Variants in ALK observed in about 807,000 individuals in gnomAD.
ALK encodes the protein ALK receptor tyrosine kinase, also known as ALK tyrosine kinase receptor.
ALK carries 74 observed loss-of-function variants against 163.1 expected under a neutral mutation model. The observed-to-expected ratio is 0.45, with a 90% CI of 0.38 to 0.55. The LOEUF (loss-of-function observed/expected upper bound fraction) is 0.55. Among genes scored for constraint, ALK ranks in the 20% least tolerant of loss-of-function variants. ALK has a pLI of 0.00. For synonymous variants in ALK, 960 were observed against 843.2 expected, an observed-to-expected ratio of 1.14 and a Z score of -2.40; for missense variants, 2,063 against 2,105.3, an observed-to-expected ratio of 0.98 and a Z score of 0.39.
intron 4 of ALK, among the ~76,000 whole-genome samples, chr2:29,394,311 C>T (rs547222592): frequency 3.0e-5 from 4 of 133,156 alleles, no homozygotes; most frequent in Admixed American, 1.6e-4. Flanking sequence ...ACTGATTATC[C>T]AGACCAGAAA....
intron 3 of ALK, among the ~76,000 whole-genome samples, chr2:29,576,487 G>T (rs947439982): frequency 2.6e-5 from 4 of 152,240 alleles, no homozygotes; most frequent in Non-Finnish European, 5.9e-5. Flanking sequence ...CTCAGCAGGT[G>T]CTCTGTTGAC....
At chr2:29,274,751 G>A (rs1008453210) in intron 11 of ALK, among the ~76,000 whole-genome samples, 2 of 152,260 alleles carry the variant, frequency 1.3e-5, no homozygotes, top group Admixed American at 1.3e-4. Flanking sequence ...ATAAGGAGGA[G>A]AAATCTTACA....
intron 4 of ALK, among the ~76,000 whole-genome samples, chr2:29,392,071 T>C (rs1669188561): frequency 2.0e-5 from 3 of 152,242 alleles, no homozygotes; most frequent in Admixed American, 2.0e-4. Context: ...AAATCCAGTG[T>C]GGCTGATGAT....
intron 28 of ALK, among the ~76,000 whole-genome samples, chr2:29,195,006 A>AT (rs1336498315): frequency 1.3e-5 from 2 of 152,246 alleles, no homozygotes; most frequent in African/African-American, 4.8e-5. Context: ...TTAATATTTT[A>AT]TGCAAATTGA....
chr2:29,797,290 C>G, intron 1 of ALK, among the ~76,000 whole-genome samples: 1 of 152,204 alleles, frequency 6.6e-6, no homozygotes, highest in East Asian at 1.9e-4. Context: ...ACTTCCTTGC[C>G]ATTTGCTCAT....
intron 3 of ALK, among the ~76,000 whole-genome samples, chr2:29,534,679 AT>A (rs1248123761): frequency 6.6e-6 from 1 of 152,246 alleles, no homozygotes; most frequent in African/African-American, 2.4e-5. Context: ...GATTACTGCT[AT>A]GCACATGTGC....
At chr2:29,375,267 A>G (rs1459257837) in intron 5 of ALK, among the ~76,000 whole-genome samples, 1 of 152,172 alleles carries the variant, frequency 6.6e-6, no homozygotes, top group Non-Finnish European at 1.5e-5. Flanking sequence ...CATGAGGTCA[A>G]TTTTGAGACA....
chr2:29,698,818 C>G (rs1678648052), intron 2 of ALK, among the ~76,000 whole-genome samples: 1 of 152,210 alleles, frequency 6.6e-6, no homozygotes. Context: ...CTCCTTTTAG[C>G]TGTTAAAGCT....
intron 1 of ALK, among the ~76,000 whole-genome samples, chr2:29,808,601 C>G (rs1351712949): frequency 6.6e-6 from 1 of 152,186 alleles, no homozygotes; most frequent in Non-Finnish European, 1.5e-5. Flanking sequence ...AGCCATTACC[C>G]TCTTCTCACT....
intron 3 of ALK, among the ~76,000 whole-genome samples, chr2:29,614,057 A>G (rs1675771095): frequency 6.6e-6 from 1 of 152,202 alleles, no homozygotes; most frequent in Admixed American, 6.5e-5. Context: ...CACCGGGGGC[A>G]TCAGGACTCA....
chr2:29,454,574 G>C (rs1421258682), intron 4 of ALK, among the ~76,000 whole-genome samples: 1 of 152,162 alleles, frequency 6.6e-6, no homozygotes, highest in Non-Finnish European at 1.5e-5. Flanking sequence ...AAGGAGACAA[G>C]AAGGGCTCAA....
At chr2:29,703,198 A>G (rs1678797636) in intron 2 of ALK, among the ~76,000 whole-genome samples, 1 of 152,226 alleles carries the variant, frequency 6.6e-6, no homozygotes, top group South Asian at 2.1e-4. Flanking sequence ...TTTTCCTGCT[A>G]AAAATGCTTT....
chr2:29,292,324 G>C (rs1666053941), intron 9 of ALK, among the ~76,000 whole-genome samples: 1 of 152,188 alleles, frequency 6.6e-6, no homozygotes, highest in Non-Finnish European at 1.5e-5. Flanking sequence ...CTTCTGCTCT[G>C]TAAGCGTGTC....
chr2:29,752,407 T>A (rs1680394202), intron 1 of ALK, among the ~76,000 whole-genome samples: 1 of 147,342 alleles, frequency 6.8e-6, no homozygotes, highest in South Asian at 2.2e-4. Context: ...TGGAGTGCAG[T>A]GGCGCGATCT....
At chr2:29,614,810 A>T (rs1675795882) in intron 3 of ALK, among the ~76,000 whole-genome samples, 1 of 151,998 alleles carries the variant, frequency 6.6e-6, no homozygotes, top group Admixed American at 6.6e-5. Flanking sequence ...AATTTTCTAT[A>T]CACAGACAAC....
chr2:29,287,479 T>C (rs1665889162), intron 9 of ALK, among the ~76,000 whole-genome samples: 1 of 152,078 alleles, frequency 6.6e-6, no homozygotes, highest in Non-Finnish European at 1.5e-5. Context: ...AAACCTTAAA[T>C]GATGATACAG....
intron 1 of ALK, among the ~76,000 whole-genome samples, chr2:29,894,812 C>G (rs530661694): frequency 3.3e-5 from 5 of 151,058 alleles, no homozygotes; most frequent in African/African-American, 1.2e-4. Flanking sequence ...ATACTAGTAT[C>G]TGTGAGAATG....
intron 1 of ALK, among the ~76,000 whole-genome samples, chr2:29,768,096 C>G (rs1010585301): frequency 4.6e-5 from 7 of 152,200 alleles, no homozygotes; most frequent in Non-Finnish European, 7.3e-5. Context: ...TCCCAAGAGG[C>G]TCCCAGGGAA....
rs139848273 is a variant in ALK, at chr2:29,197,282, G to A, written c.4073+260C>T. Among the ~76,000 whole-genome samples the A allele has an allele frequency of 9.0e-3, 1,368 of 152,282 alleles. 21 individuals carry two copies. Among genetic ancestry groups the A allele is most frequent in the African/African-American group, 0.031 (1,287 of 41,558 alleles). On this transcript the variant is annotated intron_variant, in intron 27 of 28. Coordinates refer to ENST00000389048, the MANE Select transcript of ALK (RefSeq NM_004304.5). Reference sequence around the variant, plus strand: ...CCTGGGACACACATTCCCAGCAGGAGCTTGGGGAATGTAGGCCTGGTGAGT... The same window carrying A: ...CCTGGGACACACATTCCCAGCAGGAACTTGGGGAATGTAGGCCTGGTGAGT...
Sources: gnomAD v4.1 joint callset for allele counts (sites outside exome capture counted in the v4.1 genomes callset) on GRCh38, gnomAD v4.1.1 for gene constraint, MANE v1.5 for transcripts, NCBI Gene and HGNC (gene_info 2026-07-23, HGNC 2026-07-21) for gene names.